The following ZNF385B variants were observed in gnomAD, a reference collection of about 807,000 sequenced individuals.
The protein encoded by ZNF385B is zinc finger protein 385B, also known as zinc finger protein 533.
Under a neutral mutation model 39.2 loss-of-function variants are expected in ZNF385B, and 23 were observed. The observed-to-expected ratio is 0.59, with a 90% confidence interval of 0.42 to 0.83. The LOEUF (loss-of-function observed/expected upper bound fraction) is 0.83. Ranked by LOEUF, ZNF385B falls within the 40% of genes least tolerant of loss-of-function variation. The probability of loss-of-function intolerance (pLI) is 0.00; values close to 1 mark genes in which losing one functional copy is unlikely to be tolerated. For missense variants in ZNF385B, 552 were observed against 598.9 expected (o/e 0.92, Z 0.82); for synonymous variants, 205 against 222.6 (o/e 0.92, Z 0.70).
intron 3 of ZNF385B, among the ~76,000 whole-genome samples, chr2:179,571,029 T>C (rs1279358839): frequency 6.6e-6 from 1 of 152,242 alleles, no homozygotes; most frequent in African/African-American, 2.4e-5. Flanking sequence ...GCATATTTAA[T>C]CCAGGTTTTT....
chr2:179,824,210 GAC>G (rs921085953), intron 1 of ZNF385B, among the ~76,000 whole-genome samples: 13 of 152,064 alleles, frequency 8.5e-5, no homozygotes, highest in Non-Finnish European at 1.5e-4. Context: ...TGGTCCATGT[GAC>G]CATCACTAAA....
At chr2:179,704,770 G>A (rs1311325117) in intron 3 of ZNF385B, among the ~76,000 whole-genome samples, 2 of 152,150 alleles carry the variant, frequency 1.3e-5, no homozygotes, top group Non-Finnish European at 2.9e-5. Flanking sequence ...TAGAATTGTA[G>A]GAATTAACTA....
intron 3 of ZNF385B, among the ~76,000 whole-genome samples, chr2:179,762,812 A>C (rs1178289800): frequency 6.6e-6 from 1 of 152,250 alleles, no homozygotes; most frequent in Non-Finnish European, 1.5e-5. Flanking sequence ...CTGAAACCAT[A>C]TGAATCCAGA....
At chr2:179,553,442 CT>C (rs2060707065) in intron 3 of ZNF385B, among the ~76,000 whole-genome samples, 1 of 149,154 alleles carries the variant, frequency 6.7e-6, no homozygotes. Context: ...ATAATAACAA[CT>C]GCTACCATTT....
rs2060483852 is a variant in ZNF385B, at chr2:179,550,247, G to A, written c.299-5278C>T. On this transcript the variant is annotated intron_variant, in intron 3 of 9. Coordinates refer to ENST00000410066, the MANE Select transcript of ZNF385B (RefSeq NM_152520.6). ...TTTGCCATTGTGAGTCTCCTGGAGG[G>A]AAGCAAAGTTCTTTCTCTAAGCCCA... is the stretch of plus-strand genomic sequence containing the variant. Among the ~76,000 whole-genome samples the A allele has an allele frequency of 6.0e-5, 9 of 149,442 alleles. 1 individual carries two copies. The South Asian group carries it at 1.9e-3, about 32-fold the overall frequency.
chr2:179,761,679 A>G (rs963760864), intron 3 of ZNF385B, among the ~76,000 whole-genome samples: 1 of 151,674 alleles, frequency 6.6e-6, no homozygotes, highest in African/African-American at 2.4e-5. Flanking sequence ...CTTGAGCCCA[A>G]GCAATCCTCC....
intron 3 of ZNF385B, among the ~76,000 whole-genome samples, chr2:179,733,138 C>T (rs192922409): frequency 6.2e-4 from 95 of 152,270 alleles, no homozygotes; most frequent in Middle Eastern, 6.8e-3. Flanking sequence ...TAGGCTAAAC[C>T]TAGATACCAG....
At chr2:179,858,626 C>G (rs1684785741) in intron 1 of ZNF385B, among the ~76,000 whole-genome samples, 1 of 151,628 alleles carries the variant, frequency 6.6e-6, no homozygotes, top group African/African-American at 2.4e-5. Context: ...ACAGTGGGGA[C>G]AGAGTCAGGA....
Position 179,446,506 on chromosome 2 carries a change from G to A in ZNF385B, c.961+19C>T. On this transcript the variant is annotated intron_variant, in intron 7 of 9. Transcript: ENST00000410066. The stretch of plus-strand genomic sequence containing the variant: ...GTTTTGTTATAAACATTATTTAAAT[G>A]CAAAAGATAGCTGCTAACCTGTGTT... 3 of 1,598,224 alleles carry A rather than the reference G, an allele frequency of 1.9e-6. No homozygotes were observed. The highest frequency in any genetic ancestry group is 2.3e-5 in the South Asian group (2 of 87,992).
chr2:179,774,258 G>A (rs1704181668), intron 1 of ZNF385B, among the ~76,000 whole-genome samples: 1 of 151,890 alleles, frequency 6.6e-6, no homozygotes, highest in Non-Finnish European at 1.5e-5. Flanking sequence ...TGGAGGGTGT[G>A]TGTGTGTGGT....
chr2:179,761,059 G>A (rs1391606260), intron 3 of ZNF385B, among the ~76,000 whole-genome samples: 1 of 152,130 alleles, frequency 6.6e-6, no homozygotes, highest in East Asian at 1.9e-4. Flanking sequence ...GTATGTGTGT[G>A]TGGATCTATG....
chr2:179,645,666 A>G (rs571426207), intron 3 of ZNF385B, among the ~76,000 whole-genome samples: 2 of 152,234 alleles, frequency 1.3e-5, no homozygotes, highest in South Asian at 2.1e-4. Flanking sequence ...TGCCTTCTCC[A>G]TCCTCATCTC....
intron 4 of ZNF385B, among the ~76,000 whole-genome samples, chr2:179,526,814 C>A (rs1241095800): frequency 6.6e-6 from 1 of 152,278 alleles, no homozygotes; most frequent in East Asian, 1.9e-4. Flanking sequence ...ACTCTCTCCA[C>A]AAACCGTTTA....
At chr2:179,573,654 G>T (rs1052093112) in intron 3 of ZNF385B, among the ~76,000 whole-genome samples, 1 of 151,956 alleles carries the variant, frequency 6.6e-6, no homozygotes. Context: ...TTTAACAATT[G>T]TGCTATGTGA....
chr2:179,504,504 G>A (rs930406166), intron 5 of ZNF385B, among the ~76,000 whole-genome samples: 1 of 152,080 alleles, frequency 6.6e-6, no homozygotes, highest in African/African-American at 2.4e-5. Context: ...CAGTGTAAAA[G>A]TGTTCCTATT....
At chr2:179,469,272 A>C (rs1002442511) in intron 6 of ZNF385B, among the ~76,000 whole-genome samples, 1 of 152,222 alleles carries the variant, frequency 6.6e-6, no homozygotes, top group African/African-American at 2.4e-5. Flanking sequence ...TTATACTAAC[A>C]CTAACGATAG....
intron 6 of ZNF385B, among the ~76,000 whole-genome samples, chr2:179,459,780 T>C (rs527738089): frequency 6.6e-6 from 1 of 150,704 alleles, no homozygotes; most frequent in African/African-American, 2.4e-5. Context: ...AAAACATATA[T>C]AAAACTATAT....
intron 5 of ZNF385B, among the ~76,000 whole-genome samples, chr2:179,505,894 T>C (rs1371191469): frequency 1.3e-5 from 2 of 152,142 alleles, no homozygotes; most frequent in Non-Finnish European, 2.9e-5. Flanking sequence ...TAACGAATAA[T>C]AAAATAGTTT....
At chr2:179,655,481 A>G (rs1029048271) in intron 3 of ZNF385B, among the ~76,000 whole-genome samples, 3 of 76,970 alleles carry the variant, frequency 3.9e-5, no homozygotes, top group Non-Finnish European at 5.2e-5. Context: ...AATCTTATAA[A>G]GAAAAGAAAG....
Sources: gnomAD v4.1 joint callset for allele counts (sites outside exome capture counted in the v4.1 genomes callset) on GRCh38, gnomAD v4.1.1 for gene constraint, MANE v1.5 for transcripts, NCBI Gene and HGNC (gene_info 2026-07-23, HGNC 2026-07-21) for gene names.